The following PRLR variants were observed in gnomAD, a reference collection of about 807,000 sequenced individuals.
PRLR encodes hPRL receptor.
In PRLR, 13 loss-of-function variants were observed where a neutral mutation model predicts 40.2. That is an observed-to-expected ratio of 0.32 (90% CI 0.21 to 0.51). The LOEUF (loss-of-function observed/expected upper bound fraction) is 0.51, where lower values mean the gene tolerates loss of function less well. Among genes scored for constraint, PRLR ranks in the 20% least tolerant of loss-of-function variants. The probability of loss-of-function intolerance (pLI) is 0.97; values close to 1 mark genes in which losing one functional copy is unlikely to be tolerated. For missense variants in PRLR, 656 were observed against 747.3 expected (o/e 0.88, Z 1.42); for synonymous variants, 269 against 278.7 (o/e 0.97, Z 0.35).
downstream of PRLR, among the ~76,000 whole-genome samples, chr5:35,052,977 A>C (rs1768554902): frequency 6.6e-6 from 1 of 152,116 alleles, no homozygotes. Context: ...TAATCAAATA[A>C]ATTTGTATGC....
chr5:35,055,429 T>C (rs73091120), downstream of PRLR, among the ~76,000 whole-genome samples: 149 of 152,236 alleles, frequency 9.8e-4, no homozygotes, highest in African/African-American at 3.5e-3. Context: ...CAGTTTTGAT[T>C]TAGAATTAGT....
intron 1 of PRLR, among the ~76,000 whole-genome samples, chr5:35,223,082 A>T (rs1776463152): frequency 6.6e-6 from 1 of 152,248 alleles, no homozygotes; most frequent in Non-Finnish European, 1.5e-5. Flanking sequence ...CAGCCACATC[A>T]TCCAAGTAGA....
Position 35,068,886 on chromosome 5 carries a change from A to C in PRLR, c.686-8T>G. Reference sequence around the variant, plus strand: ...TATCATTCATGGTGAAGTCTAAAAAACAAACAGCCAGAAAGCTTTGATCAC... The same window carrying C: ...TATCATTCATGGTGAAGTCTAAAAACCAAACAGCCAGAAAGCTTTGATCAC... On this transcript the variant is annotated splice_region_variant and splice_polypyrimidine_tract_variant and intron_variant, in intron 7 of 9. Coordinates refer to ENST00000618457, the MANE Select transcript of PRLR (RefSeq NM_000949.7). 1 of 1,592,850 alleles carries C rather than the reference A, an allele frequency of 6.3e-7. No individual in the cohort carries two copies. The highest frequency in any genetic ancestry group is 8.6e-7 in the Non-Finnish European group (1 of 1,160,786).
chr5:35,073,460 G>A (rs901742748), intron 5 of PRLR, among the ~76,000 whole-genome samples: 1 of 152,178 alleles, frequency 6.6e-6, no homozygotes, highest in African/African-American at 2.4e-5. Context: ...GCCAGGGACT[G>A]TATAAAATAC....
At chr5:35,204,362 A>G (rs994974928) in intron 1 of PRLR, among the ~76,000 whole-genome samples, 2 of 152,114 alleles carry the variant, frequency 1.3e-5, no homozygotes, top group African/African-American at 4.8e-5. Flanking sequence ...ATGTTTAGCT[A>G]TGCCTTGCAT....
intron 8 of PRLR, 98 bp from the exon 9 acceptor site, chr5:35,068,383 A>T: frequency 9.4e-7 from 1 of 1,062,924 alleles, no homozygotes; most frequent in African/African-American, 1.6e-5. Flanking sequence ...TGTGATAGAG[A>T]TAGGACTTGG....
chr5:35,050,267 T>A (rs1255011985), intron 8 of PRLR, among the ~76,000 whole-genome samples: 1 of 152,228 alleles, frequency 6.6e-6, no homozygotes, highest in African/African-American at 2.4e-5. Context: ...CCACAAAATC[T>A]GAAAACTGGG....
chr5:35,164,183 A>G (rs2111916897), intron 1 of PRLR, among the ~76,000 whole-genome samples: 1 of 152,360 alleles, frequency 6.6e-6, no homozygotes, highest in Middle Eastern at 3.4e-3. Flanking sequence ...TTTACTAAGT[A>G]CATGATTACT....
intron 1 of PRLR, among the ~76,000 whole-genome samples, chr5:35,120,439 A>G (rs765549754): frequency 6.6e-6 from 1 of 152,154 alleles, no homozygotes; most frequent in Non-Finnish European, 1.5e-5. Context: ...AATATGTGCT[A>G]AATTGTGCCT....
At chr5:35,218,477 G>C (rs1056770339) in intron 1 of PRLR, among the ~76,000 whole-genome samples, 21 of 152,140 alleles carry the variant, frequency 1.4e-4, no homozygotes, top group African/African-American at 5.1e-4. Context: ...TTGCTGAATA[G>C]TTCACTTACT....
chr5:35,193,620 T>C (rs1002439065), intron 1 of PRLR, among the ~76,000 whole-genome samples: 1 of 152,194 alleles, frequency 6.6e-6, no homozygotes, highest in South Asian at 2.1e-4. Context: ...TGTCAGACCC[T>C]CTGAGAGCTA....
chr5:35,192,618 A>G (rs1775637191), intron 1 of PRLR, among the ~76,000 whole-genome samples: 1 of 152,204 alleles, frequency 6.6e-6, no homozygotes, highest in Admixed American at 6.5e-5. Flanking sequence ...CTCCACTACT[A>G]CCAAATGCTG....
At chr5:35,216,135 T>C (rs1003472832) in intron 1 of PRLR, among the ~76,000 whole-genome samples, 2 of 152,106 alleles carry the variant, frequency 1.3e-5, no homozygotes, top group Non-Finnish European at 2.9e-5. Context: ...CAACAAGGCT[T>C]CTGGAAATTG....
At chr5:35,088,291 T>C (rs1770987288) in intron 3 of PRLR, among the ~76,000 whole-genome samples, 1 of 152,198 alleles carries the variant, frequency 6.6e-6, no homozygotes, top group African/African-American at 2.4e-5. Flanking sequence ...TAGGAACAAT[T>C]TATTCAGGAT....
chr5:35,176,812 C>G (rs1293387745), intron 1 of PRLR, among the ~76,000 whole-genome samples: 19 of 151,046 alleles, frequency 1.3e-4, no homozygotes, highest in South Asian at 4.2e-4. Flanking sequence ...CGTAAAGGGT[C>G]TGTGCTGAGG....
At chr5:35,177,502 T>C (rs1400635285) in intron 1 of PRLR, among the ~76,000 whole-genome samples, 1 of 152,106 alleles carries the variant, frequency 6.6e-6, no homozygotes, top group Non-Finnish European at 1.5e-5. Flanking sequence ...AACACTCATC[T>C]ACTTTTTGTC....
Position 35,074,243 on chromosome 5 carries a change from C to T in PRLR, c.374-1499G>A, listed in dbSNP as rs145672645. On this transcript the variant is annotated intron_variant, in intron 5 of 9. Transcript: ENST00000618457. Reference sequence around the variant, plus strand: ...TGGGAGGCTGAGGCAGGTGGATCACCTGAGGTCAGGAGTTTGAGACCAGCC... The same window carrying T: ...TGGGAGGCTGAGGCAGGTGGATCACTTGAGGTCAGGAGTTTGAGACCAGCC... Among the ~76,000 whole-genome samples the T allele has an allele frequency of 3.9e-5, 6 of 151,926 alleles. No homozygotes were observed. In the East Asian group the frequency reaches 9.7e-4, roughly 25 times the overall value.
At chr5:35,090,938 G>C (rs1771169589) in intron 2 of PRLR, among the ~76,000 whole-genome samples, 1 of 151,190 alleles carries the variant, frequency 6.6e-6, no homozygotes, top group Admixed American at 6.6e-5. Flanking sequence ...GGCCTCCCGA[G>C]TAGCTGGGAC....
chr5:35,106,615 C>T (rs189353309), intron 2 of PRLR, among the ~76,000 whole-genome samples: 3 of 152,168 alleles, frequency 2.0e-5, no homozygotes, highest in African/African-American at 7.2e-5. Flanking sequence ...CAACAAAGAT[C>T]AAAAGAGACA....
Sources: allele counts gnomAD v4.1 joint callset (sites outside exome capture counted in the v4.1 genomes callset), GRCh38; gene constraint gnomAD v4.1.1; transcripts MANE v1.5; gene names NCBI Gene and HGNC (gene_info 2026-07-23, HGNC 2026-07-21).